The following ACSM3 variants were observed in gnomAD, a reference collection of about 807,000 sequenced individuals.
ACSM3 encodes acyl-CoA synthetase medium chain family member 3, also known as acyl-coenzyme A synthetase ACSM3, mitochondrial.
In ACSM3, 61 loss-of-function variants were observed where a neutral mutation model predicts 74.1. The observed-to-expected ratio is 0.82, with a 90% confidence interval of 0.67 to 1.02. ACSM3 has a LOEUF of 1.02. Among genes scored for constraint, ACSM3 ranks in the 50% least tolerant of loss-of-function variants. ACSM3 has a pLI of 0.00. For synonymous variants in ACSM3, 213 were observed against 241.5 expected (o/e 0.88, Z 1.09); for missense variants, 660 against 697.0 (o/e 0.95, Z 0.60).
At chr16:20,707,891 T>G (rs1048070698) in intron 1 of ACSM3, among the ~76,000 whole-genome samples, 5 of 152,222 alleles carry the variant, frequency 3.3e-5, no homozygotes, top group Admixed American at 3.3e-4. Flanking sequence ...CACAAAAAAT[T>G]GGATATCTAT....
At chr16:20,708,454 C>T (rs565185932) in intron 1 of ACSM3, among the ~76,000 whole-genome samples, 118 of 152,202 alleles carry the variant, frequency 7.8e-4, no homozygotes, top group Non-Finnish European at 1.3e-3. Context: ...ACAAAACCAA[C>T]GTACAAAAAT....
At chr16:20,721,899 G>A (rs548229227) in intron 1 of ACSM3, 1 of 152,286 alleles carries the variant, frequency 6.6e-6, no homozygotes, top group Admixed American at 6.5e-5. Flanking sequence ...ACCAGAATGA[G>A]TACTGTTATT....
chr16:20,713,830 C>G (rs1294459813), intron 1 of ACSM3, among the ~76,000 whole-genome samples: 2 of 152,122 alleles, frequency 1.3e-5, no homozygotes, highest in African/African-American at 4.8e-5. Flanking sequence ...AGTGCCATAA[C>G]TCCAAAAAGG....
rs547140704 is a variant in ACSM3 at position 20,704,035 on chromosome 16, A to G, written c.-190+29213A>G. 10 of 152,298 alleles carry G rather than the reference A, an allele frequency of 6.6e-5. No homozygotes were observed. The South Asian group carries it at 2.1e-3, about 32-fold the overall frequency. The allele number at this position is 152,298 out of a possible 1,614,324, so 9.4% of individuals were successfully genotyped here. On this transcript the variant is annotated intron_variant, in intron 1 of 3. Transcript: ENST00000561584. Reference sequence around the variant, plus strand: ...TGTATTAGGACAGGGAAACGAAAAGATAGAAGAAATGACTACTTCTTAAGT... The same window carrying G: ...TGTATTAGGACAGGGAAACGAAAAGGTAGAAGAAATGACTACTTCTTAAGT...
chr16:20,678,793 G>A (rs1348613977), intron 1 of ACSM3, among the ~76,000 whole-genome samples: 2 of 152,194 alleles, frequency 1.3e-5, no homozygotes, highest in African/African-American at 2.4e-5. Flanking sequence ...AACAACTGCT[G>A]AAGAAATTGT....
chr16:20,706,246 A>T (rs1189667476), intron 1 of ACSM3, among the ~76,000 whole-genome samples: 1 of 152,206 alleles, frequency 6.6e-6, no homozygotes, highest in East Asian at 1.9e-4. Context: ...AGAAATACAA[A>T]AAAAAACAAT....
At chr16:20,781,387 A>T (rs1400190244) in intron 6 of ACSM3, among the ~76,000 whole-genome samples, 4 of 152,238 alleles carry the variant, frequency 2.6e-5, no homozygotes, top group African/African-American at 9.6e-5. Context: ...ACAATTAAAA[A>T]AATGCAAATA....
chr16:20,728,732 G>A (rs913252032), intron 1 of ACSM3, among the ~76,000 whole-genome samples: 5 of 151,748 alleles, frequency 3.3e-5, no homozygotes, highest in Non-Finnish European at 7.4e-5. Context: ...TGCAGTTGGG[G>A]GGTGCTAGAG....
chr16:20,682,393 T>C (rs758300292), intron 1 of ACSM3: 2 of 1,614,042 alleles, frequency 1.2e-6, no homozygotes, highest in South Asian at 2.2e-5. Context: ...TGCCCTTGGC[T>C]TTAGACAACT....
At chr16:20,711,269 C>T (rs2152377156) in intron 1 of ACSM3, among the ~76,000 whole-genome samples, 1 of 152,238 alleles carries the variant, frequency 6.6e-6, no homozygotes, top group East Asian at 1.9e-4. Context: ...CAGGATTAGG[C>T]CCATCGTCTG....
intron 1 of ACSM3, chr16:20,738,794 A>T: frequency 7.5e-7 from 1 of 1,331,928 alleles, no homozygotes; most frequent in African/African-American, 1.5e-5. Flanking sequence ...TCAAATGATT[A>T]ACTGAGTCAT....
At chr16:20,739,437 C>T (rs765493426) in intron 1 of ACSM3, among the ~76,000 whole-genome samples, 9 of 152,094 alleles carry the variant, frequency 5.9e-5, no homozygotes, top group Non-Finnish European at 1.2e-4. Context: ...TCCCAAAGTG[C>T]TGGGATTACA....
At chr16:20,725,639 G>A (rs541592691) in intron 1 of ACSM3, among the ~76,000 whole-genome samples, 13 of 152,136 alleles carry the variant, frequency 8.5e-5, no homozygotes, top group African/African-American at 1.2e-4. Flanking sequence ...GACTCTACTC[G>A]ATGCCAGTAG....
intron 1 of ACSM3, among the ~76,000 whole-genome samples, chr16:20,698,227 G>A (rs1309005625): frequency 6.6e-6 from 1 of 150,886 alleles, no homozygotes; most frequent in East Asian, 1.9e-4. Context: ...CCACGTATAC[G>A]AAGTCACCTC....
At chr16:20,708,858 C>T (rs2079735099) in intron 1 of ACSM3, among the ~76,000 whole-genome samples, 1 of 152,248 alleles carries the variant, frequency 6.6e-6, no homozygotes, top group African/African-American at 2.4e-5. Context: ...CACTCCCTGA[C>T]TTCAATGTAC....
chr16:20,724,288 T>C (rs2079796944), intron 1 of ACSM3, among the ~76,000 whole-genome samples: 1 of 152,222 alleles, frequency 6.6e-6, no homozygotes. Context: ...ATCACATGAT[T>C]ATCTCAATAG....
intron 1 of ACSM3, chr16:20,697,737 G>C (rs1002784653): frequency 6.6e-6 from 1 of 152,266 alleles, no homozygotes; most frequent in Non-Finnish European, 1.5e-5. Context: ...CAGGTGATCC[G>C]CAGGATTGTG....
intron 1 of ACSM3, chr16:20,728,533 G>A (rs2079814742): frequency 5.6e-6 from 4 of 709,610 alleles, no homozygotes; most frequent in Non-Finnish European, 8.9e-6. Flanking sequence ...TACAGACTTT[G>A]GTCCAAATTT....
rs1263411578 is a variant in ACSM3 at position 20,792,686 on chromosome 16, C to A, written c.1554+351C>A. On this transcript the variant is annotated intron_variant, in intron 12 of 13. Coordinates refer to ENST00000289416, the MANE Select transcript of ACSM3 (RefSeq NM_005622.4). ...GGGATCAAATTGTTACCCAGAAGGT[C>A]TGGAAACCAACGAGGTCCCTGGTGT... 3.0e-6 allele frequency: 3 copies of A among 985,290 alleles called. No individual in the cohort carries two copies. In the African/African-American group the frequency reaches 5.2e-5, roughly 17 times the overall value. 61.0% of individuals were successfully genotyped at this position (985,290 alleles called of 1,614,324 possible).
Sources: allele counts gnomAD v4.1 joint callset (sites outside exome capture counted in the v4.1 genomes callset), GRCh38; gene constraint gnomAD v4.1.1; transcripts MANE v1.5; gene names NCBI Gene and HGNC (gene_info 2026-07-23, HGNC 2026-07-21).